The following FOXP2 variants were observed in gnomAD, a reference collection of about 807,000 sequenced individuals.
FOXP2 encodes the protein forkhead box P2, also known as forkhead box protein P2.
In FOXP2, 12 loss-of-function variants were observed where a neutral mutation model predicts 115.8. The ratio of observed to expected loss-of-function variants is 0.10; its 90% CI spans 0.07 to 0.17. FOXP2 has a LOEUF of 0.17. FOXP2 is among the 10% of genes least tolerant of loss of function. The pLI is 1.00. For synonymous variants in FOXP2, 328 were observed against 297.7 expected, an observed-to-expected ratio of 1.10 and a Z score of -1.05; for missense variants, 629 against 843.5, an observed-to-expected ratio of 0.75 and a Z score of 3.15.
At chr7:114,169,711 A>G (rs1793085435) in intron 1 of FOXP2, among the ~76,000 whole-genome samples, 6 of 130,744 alleles carry the variant, frequency 4.6e-5, no homozygotes, top group Non-Finnish European at 9.8e-5. Flanking sequence ...GGCTGGAATG[A>G]TATGGTTTGG....
At chr7:114,107,654 C>T (rs1791154561) in intron 1 of FOXP2, among the ~76,000 whole-genome samples, 1 of 151,854 alleles carries the variant, frequency 6.6e-6, no homozygotes, top group African/African-American at 2.4e-5. Context: ...TTCTTTAGCT[C>T]GTTGGTGTTG....
chr7:114,500,458 C>T (rs1797519383), intron 2 of FOXP2, among the ~76,000 whole-genome samples: 1 of 151,888 alleles, frequency 6.6e-6, no homozygotes, highest in Non-Finnish European at 1.5e-5. Context: ...ATTATGTATA[C>T]ATATATTAAT....
intron 11 of FOXP2, 101 bp downstream of exon 11, chr7:114,658,368 G>A: frequency 8.3e-7 from 1 of 1,202,272 alleles, no homozygotes. Context: ...GGAAACTCAT[G>A]TCATGATTTA....
intron 2 of FOXP2, among the ~76,000 whole-genome samples, chr7:114,344,934 C>T (rs1189766415): frequency 6.6e-6 from 1 of 151,276 alleles, no homozygotes; most frequent in Non-Finnish European, 1.5e-5. Context: ...CCACCATTTC[C>T]CTTTTCATTT....
intron 2 of FOXP2, among the ~76,000 whole-genome samples, chr7:114,393,209 T>A (rs1458540033): frequency 6.6e-6 from 1 of 152,160 alleles, no homozygotes; most frequent in East Asian, 1.9e-4. Flanking sequence ...ATAATATTTT[T>A]ACTTAAGTAT....
chr7:114,538,437 T>C lies in FOXP2; in HGVS notation c.258+3731T>C. ...TGAATATTAGTTTTTAGCATTGTAA[T>C]CACTTCCTTCATTGTAGGTTAATAT... On this transcript the variant is annotated intron_variant, in intron 3 of 16. Coordinates refer to ENST00000350908, the MANE Select transcript of FOXP2 (RefSeq NM_014491.4). 4 of 1,004,404 alleles carry C rather than the reference T, an allele frequency of 4.0e-6. No homozygotes were observed. In the South Asian group the frequency reaches 5.4e-5, roughly 13 times the overall value. The allele number at this position is 1,004,404 out of a possible 1,614,324, so 62.2% of individuals were successfully genotyped here.
At chr7:114,308,640 C>A (rs1364031969) in intron 2 of FOXP2, among the ~76,000 whole-genome samples, 2 of 152,132 alleles carry the variant, frequency 1.3e-5, no homozygotes, top group Admixed American at 1.3e-4. Context: ...ATACTGTTAC[C>A]AGTCTTCTAC....
intron 3 of FOXP2, among the ~76,000 whole-genome samples, chr7:114,573,980 G>GT (rs992356680): frequency 2.8e-4 from 43 of 151,670 alleles, no homozygotes; most frequent in Admixed American, 1.4e-3. Flanking sequence ...TTTTCATAGG[G>GT]TTTTTTCTGG....
chr7:114,162,534 C>T (rs1792868803), upstream of FOXP2, among the ~76,000 whole-genome samples: 1 of 151,696 alleles, frequency 6.6e-6, no homozygotes, highest in South Asian at 2.1e-4. Context: ...CTTTTCTAAT[C>T]ATCCTGTAAT....
At chr7:114,660,930 T>C (rs1391993602) in intron 13 of FOXP2, among the ~76,000 whole-genome samples, 1 of 152,080 alleles carries the variant, frequency 6.6e-6, no homozygotes, top group African/African-American at 2.4e-5. Context: ...GTTCTAACTA[T>C]ATCGCATGCA....
intron 1 of FOXP2, among the ~76,000 whole-genome samples, chr7:114,260,032 G>A (rs1795709922): frequency 6.6e-6 from 1 of 151,888 alleles, no homozygotes; most frequent in African/African-American, 2.4e-5. Context: ...TGGGATTAGC[G>A]GGGTGTGTGC....
chr7:114,451,296 C>G (rs1444524210), intron 2 of FOXP2, among the ~76,000 whole-genome samples: 1 of 151,920 alleles, frequency 6.6e-6, no homozygotes, highest in Non-Finnish European at 1.5e-5. Context: ...GGATAGAGAG[C>G]AAATATATTG....
intron 2 of FOXP2, among the ~76,000 whole-genome samples, chr7:114,443,482 T>G (rs1379965094): frequency 6.6e-6 from 1 of 152,088 alleles, no homozygotes; most frequent in Non-Finnish European, 1.5e-5. Context: ...TATGGGTAAA[T>G]TGTGTGTCAC....
chr7:114,613,401 C>T (rs1803737628), intron 3 of FOXP2, among the ~76,000 whole-genome samples: 1 of 152,026 alleles, frequency 6.6e-6, no homozygotes, highest in Non-Finnish European at 1.5e-5. Context: ...GGAGGCCGGG[C>T]TTGGTGGCTC....
intron 1 of FOXP2, among the ~76,000 whole-genome samples, chr7:114,096,223 G>A (rs1246356578): frequency 2.6e-5 from 4 of 152,180 alleles, no homozygotes; most frequent in Non-Finnish European, 4.4e-5. Flanking sequence ...TAGCAGTGAT[G>A]TAAGCTTTCA....
intron 7 of FOXP2, among the ~76,000 whole-genome samples, chr7:114,643,741 C>T (rs774976932): frequency 1.3e-5 from 2 of 152,028 alleles, no homozygotes; most frequent in African/African-American, 4.8e-5. Flanking sequence ...TGTGAAAAAT[C>T]TATTTTTGAA....
chr7:114,291,153 G>A (rs1390170191), intron 2 of FOXP2, among the ~76,000 whole-genome samples: 1 of 152,134 alleles, frequency 6.6e-6, no homozygotes, highest in Non-Finnish European at 1.5e-5. Flanking sequence ...AGTAATGGGT[G>A]CTGGAAGATT....
At chr7:114,689,611 C>A (rs977895506) in intron 16 of FOXP2, among the ~76,000 whole-genome samples, 171 bp from the exon 17 acceptor site, 2 of 152,166 alleles carry the variant, frequency 1.3e-5, no homozygotes, top group African/African-American at 4.8e-5. Flanking sequence ...CACAGTTCTA[C>A]TGTAAAGTAT....
At chr7:114,122,191 A>G (rs1160367803) in intron 1 of FOXP2, among the ~76,000 whole-genome samples, 1 of 152,274 alleles carries the variant, frequency 6.6e-6, no homozygotes, top group East Asian at 1.9e-4. Context: ...TGCTGGAAAT[A>G]TGTAAGGAGT....
Sources: allele counts gnomAD v4.1 joint callset (sites outside exome capture counted in the v4.1 genomes callset), GRCh38; gene constraint gnomAD v4.1.1; transcripts MANE v1.5; gene names NCBI Gene and HGNC (gene_info 2026-07-23, HGNC 2026-07-21).